The following ARHGAP32 variants were observed in gnomAD, a reference collection of about 807,000 sequenced individuals.
The protein encoded by ARHGAP32 is Rho GTPase activating protein 32.
ARHGAP32 carries 51 observed loss-of-function variants against 186.5 expected under a neutral mutation model. That is an observed-to-expected ratio of 0.27 (90% CI 0.22 to 0.35). The LOEUF (loss-of-function observed/expected upper bound fraction) is 0.35, where lower values mean the gene tolerates loss of function less well. Among genes scored for constraint, ARHGAP32 ranks in the 10% least tolerant of loss-of-function variants. The pLI is 1.00. For missense variants in ARHGAP32, 2,186 were observed against 2,623.5 expected (o/e 0.83, Z 3.64); for synonymous variants, 950 against 964.3 (o/e 0.99, Z 0.27).
At chr11:129,042,586 T>C (rs1939640847) in intron 10 of ARHGAP32, among the ~76,000 whole-genome samples, 1 of 152,178 alleles carries the variant, frequency 6.6e-6, no homozygotes, top group Admixed American at 6.5e-5. Flanking sequence ...AGAGGGGATA[T>C]GGGACATGGT....
At chr11:128,984,984 A>C (rs1945819390) in intron 15 of ARHGAP32, among the ~76,000 whole-genome samples, 1 of 152,168 alleles carries the variant, frequency 6.6e-6, no homozygotes, top group Non-Finnish European at 1.5e-5. Flanking sequence ...TTTGACGTTT[A>C]TGATGGTGCA....
intron 5 of ARHGAP32, among the ~76,000 whole-genome samples, chr11:129,096,764 C>T (rs915231982): frequency 6.6e-6 from 1 of 152,216 alleles, no homozygotes; most frequent in African/African-American, 2.4e-5. Context: ...GCTAAAGTGA[C>T]TGGCAGCAGA....
At chr11:129,137,481 A>T (rs552719774) in intron 2 of ARHGAP32, among the ~76,000 whole-genome samples, 4 of 152,144 alleles carry the variant, frequency 2.6e-5, no homozygotes, top group Non-Finnish European at 5.9e-5. Context: ...CACACAGAGA[A>T]CAATTACCTC....
chr11:129,184,734 C>T (rs186653210), intron 1 of ARHGAP32, among the ~76,000 whole-genome samples: 396 of 151,948 alleles, frequency 2.6e-3, no homozygotes, highest in Non-Finnish European at 4.2e-3. Context: ...AACTAAAGAA[C>T]GGGTAACAAA....
intron 7 of ARHGAP32, among the ~76,000 whole-genome samples, chr11:129,066,298 A>C (rs534003291): frequency 3.2e-4 from 48 of 152,050 alleles, no homozygotes; most frequent in Admixed American, 2.7e-3. Context: ...TGATGCTATA[A>C]AGAATCTCTG....
In ARHGAP32 at chr11:128,967,448, T is replaced by C. The variant is rs1300468424; in HGVS notation, c.*1459A>G. ...TATTATTAAGAGTTATGGAATGAAA[T>C]GACAATCTAAACTCGTTTTGTAAAC... On this transcript the variant is annotated 3_prime_UTR_variant, in exon 23 of 23. Coordinates refer to ENST00000682385, the MANE Select transcript of ARHGAP32 (RefSeq NM_001378024.1). The C allele has an allele frequency of 6.6e-6, 1 of 152,174 alleles. No homozygotes were observed. The highest frequency in any genetic ancestry group is 1.5e-5 in the Non-Finnish European group (1 of 68,042). The allele number at this position is 152,174 out of a possible 1,614,324, so 9.4% of individuals were successfully genotyped here.
intron 6 of ARHGAP32, among the ~76,000 whole-genome samples, chr11:129,067,892 C>A (rs1031372516): frequency 6.6e-6 from 1 of 152,000 alleles, no homozygotes; most frequent in Non-Finnish European, 1.5e-5. Context: ...CTTGCATAAT[C>A]CCACTTTGGA....
At chr11:129,134,005 G>A (rs1450673942) in intron 2 of ARHGAP32, among the ~76,000 whole-genome samples, 7 of 152,176 alleles carry the variant, frequency 4.6e-5, no homozygotes, top group Middle Eastern at 3.4e-3. Context: ...CCTCGATGGT[G>A]GTAGGATTTC....
In ARHGAP32 at chr11:129,058,221, ACT is replaced by A. The variant is rs201254281; in HGVS notation, c.963+4057_963+4058del. On this transcript the variant is annotated intron_variant, in intron 10 of 22. Coordinates refer to ENST00000682385, the MANE Select transcript of ARHGAP32 (RefSeq NM_001378024.1). Reference sequence around the variant, plus strand: ...CACACACACACACACACACACACACACTCTCTCTCTCTCTCTCTATATATATA... The same window carrying A: ...CACACACACACACACACACACACACACTCTCTCTCTCTCTCTATATATATA... Among the ~76,000 whole-genome samples, 119 of 111,884 alleles carry A rather than the reference ACT, an allele frequency of 1.1e-3. 1 individual carries two copies. The highest frequency in any genetic ancestry group is 8.5e-3 in the South Asian group (27 of 3,160). The allele number at this position is 111,884 out of a possible 152,430, so 73.4% of individuals were successfully genotyped here.
At chr11:129,241,554 A>G (rs1192786527) in intron 1 of ARHGAP32, among the ~76,000 whole-genome samples, 2 of 152,172 alleles carry the variant, frequency 1.3e-5, no homozygotes, top group Non-Finnish European at 2.9e-5. Context: ...TTGAGGTGGG[A>G]GAGTCACTTG....
chr11:128,994,521 G>T (rs1329971388), intron 12 of ARHGAP32, among the ~76,000 whole-genome samples: 1 of 151,712 alleles, frequency 6.6e-6, no homozygotes, highest in East Asian at 1.9e-4. Flanking sequence ...AACGTGCCAT[G>T]TTGCCCAGGC....
chr11:129,028,392 T>C (rs1938956814), intron 11 of ARHGAP32, among the ~76,000 whole-genome samples: 1 of 152,112 alleles, frequency 6.6e-6, no homozygotes, highest in African/African-American at 2.4e-5. Flanking sequence ...AAGCTGAATA[T>C]AGGTAAGAAA....
chr11:129,021,475 C>T (rs2134895188), intron 11 of ARHGAP32, among the ~76,000 whole-genome samples: 1 of 152,150 alleles, frequency 6.6e-6, no homozygotes, highest in South Asian at 2.1e-4. Flanking sequence ...TAGAGGAGTA[C>T]ACAAACTGTT....
chr11:129,009,331 T>G (rs1171728524), intron 11 of ARHGAP32, among the ~76,000 whole-genome samples: 1 of 152,194 alleles, frequency 6.6e-6, no homozygotes, highest in Non-Finnish European at 1.5e-5. Flanking sequence ...GAAAACAATT[T>G]TTTTTCTTCA....
chr11:129,026,481 C>G (rs958499664), intron 11 of ARHGAP32, among the ~76,000 whole-genome samples: 3 of 151,944 alleles, frequency 2.0e-5, no homozygotes, highest in South Asian at 4.1e-4. Flanking sequence ...TGGCTTTATT[C>G]TAATCATTCT....
upstream of ARHGAP32, among the ~76,000 whole-genome samples, chr11:129,193,696 A>T (rs868563987): frequency 3.4e-3 from 82 of 23,916 alleles, 1 homozygote; most frequent in Admixed American, 7.1e-3. Context: ...ATATTATATA[A>T]TATATAATAT....
At chr11:129,153,854 A>T (rs1022550753) in intron 2 of ARHGAP32, among the ~76,000 whole-genome samples, 2 of 152,188 alleles carry the variant, frequency 1.3e-5, no homozygotes, top group African/African-American at 4.8e-5. Flanking sequence ...ACCCAAAAGC[A>T]AATGCAACAA....
intron 1 of ARHGAP32, among the ~76,000 whole-genome samples, chr11:129,240,135 G>C (rs1944995323): frequency 6.6e-6 from 1 of 151,828 alleles, no homozygotes; most frequent in African/African-American, 2.4e-5. Flanking sequence ...TCCGCCTCCT[G>C]GGTTCAAGTG....
chr11:129,140,901 T>C (rs113969346), intron 2 of ARHGAP32, among the ~76,000 whole-genome samples: 4 of 152,214 alleles, frequency 2.6e-5, no homozygotes, highest in African/African-American at 9.6e-5. Flanking sequence ...TTCCTTTCCC[T>C]TTCCATGGCA....
Sources: gnomAD v4.1 joint callset for allele counts (sites outside exome capture counted in the v4.1 genomes callset) on GRCh38, gnomAD v4.1.1 for gene constraint, MANE v1.5 for transcripts, NCBI Gene and HGNC (gene_info 2026-07-23, HGNC 2026-07-21) for gene names.